The following RXRA variants were observed in gnomAD, a reference collection of about 807,000 sequenced individuals.
RXRA encodes the protein retinoic acid receptor RXR-alpha.
RXRA carries 5 observed loss-of-function variants against 44.5 expected under a neutral mutation model. That is an observed-to-expected ratio of 0.11 (90% CI 0.06 to 0.24). The LOEUF (loss-of-function observed/expected upper bound fraction) is 0.24, where lower values mean the gene tolerates loss of function less well. Ranked by LOEUF, RXRA falls within the 10% of genes least tolerant of loss-of-function variation. RXRA has a pLI of 1.00. For missense variants in RXRA, 412 were observed against 646.5 expected (o/e 0.64, Z 3.93); for synonymous variants, 291 against 271.4 (o/e 1.07, Z -0.71).
intron 4 of RXRA, among the ~76,000 whole-genome samples, chr9:134,414,092 G>A (rs928622331): frequency 6.6e-6 from 1 of 152,178 alleles, no homozygotes; most frequent in Non-Finnish European, 1.5e-5. Flanking sequence ...CATAAATCCC[G>A]GCCCCTCCTG....
chr9:134,423,085 G>A, intron 6 of RXRA: 1 of 985,470 alleles, frequency 1.0e-6, no homozygotes, highest in Non-Finnish European at 1.2e-6. Context: ...AGCCTGGATG[G>A]GGCAGGCCCC....
In RXRA at chr9:134,440,148, A is replaced by C. The variant is rs1831707620; in HGVS notation, c.*3534A>C. 6.6e-6 allele frequency: 1 copy of C among 152,094 alleles called. No homozygotes were observed. Among genetic ancestry groups the C allele is most frequent in the South Asian group, 2.1e-4 (1 of 4,810 alleles). 9.4% of individuals were successfully genotyped at this position (152,094 alleles called of 1,614,324 possible). A position where few individuals can be genotyped will look rare whatever the true frequency, so the allele number is the denominator to read the frequency against. On this transcript the variant is annotated 3_prime_UTR_variant, in exon 10 of 10. Transcript: ENST00000481739. ...AATTTTATCCCTCATGTATACTTGG[A>C]TATGGCGGGGGGAGGGCTGGGACTG...
rs568640840 is a variant in RXRA at position 134,336,923 on chromosome 9, G to C, written c.28+10264G>C. The stretch of plus-strand genomic sequence containing the variant: ...AGTCCTGTGTGTCTAGCTCGGTGTC[G>C]GTTTCTGGGAGTGGGAGTAGATGGA... On this transcript the variant is annotated intron_variant, in intron 1 of 9. Coordinates refer to ENST00000481739, the MANE Select transcript of RXRA (RefSeq NM_002957.6). 1.0e-3 allele frequency among the ~76,000 whole-genome samples: 158 copies of C among 152,296 alleles called. 1 individual carries two copies. The highest frequency in any genetic ancestry group is 1.0e-3 in the Non-Finnish European group (71 of 68,024).
At chr9:134,392,209 C>T (rs905340451) in intron 1 of RXRA, among the ~76,000 whole-genome samples, 2 of 152,188 alleles carry the variant, frequency 1.3e-5, no homozygotes, top group Non-Finnish European at 2.9e-5. Context: ...ACGCCCTTTC[C>T]GTGACTCCGC....
rs1831692046 is a variant in RXRA at position 134,439,461 on chromosome 9, CTG to C, written c.*2851_*2852del. 6.6e-6 allele frequency: 1 copy of C among 152,304 alleles called. No homozygotes were observed. Among genetic ancestry groups the C allele is most frequent in the African/African-American group, 2.4e-5 (1 of 41,466 alleles). 9.4% of individuals were successfully genotyped at this position (152,304 alleles called of 1,614,324 possible). A position where few individuals can be genotyped will look rare whatever the true frequency, so the allele number is the denominator to read the frequency against. On this transcript the variant is annotated 3_prime_UTR_variant, in exon 10 of 10. Coordinates refer to ENST00000481739, the MANE Select transcript of RXRA (RefSeq NM_002957.6). Reference sequence around the variant, plus strand: ...CTGCCAGGACCTTCCACCCTGGGGCCTGTGTCAGCCGCCGGCCCTCCGCACCC... The same window carrying C: ...CTGCCAGGACCTTCCACCCTGGGGCCTGTCAGCCGCCGGCCCTCCGCACCC...
At chr9:134,362,725 A>G (rs1230732329) in intron 1 of RXRA, among the ~76,000 whole-genome samples, 3 of 152,102 alleles carry the variant, frequency 2.0e-5, no homozygotes, top group African/African-American at 7.2e-5. Context: ...CAAGGCCCCC[A>G]CGAGTGTACC....
chr9:134,409,497 G>T (rs530263053), intron 4 of RXRA, among the ~76,000 whole-genome samples: 2 of 152,222 alleles, frequency 1.3e-5, no homozygotes, highest in African/African-American at 4.8e-5. Flanking sequence ...CAGGGCCGCC[G>T]GATGGCCCCC....
chr9:134,424,372 A>C, intron 6 of RXRA: 1 of 985,240 alleles, frequency 1.0e-6, no homozygotes, highest in Non-Finnish European at 1.2e-6. Context: ...CTGCGGCTGC[A>C]TGTCTCTGAG....
intron 7 of RXRA, among the ~76,000 whole-genome samples, chr9:134,431,394 C>T (rs997414522): frequency 6.6e-6 from 1 of 152,206 alleles, no homozygotes; most frequent in Non-Finnish European, 1.5e-5. Context: ...GACATGCCTC[C>T]CTCTGGCAGC....
chr9:134,376,410 G>C (rs985345086), intron 1 of RXRA, among the ~76,000 whole-genome samples: 8 of 152,162 alleles, frequency 5.3e-5, no homozygotes, highest in African/African-American at 1.7e-4. Flanking sequence ...TCCTTCGCGG[G>C]GGCAGAGGTC....
intron 1 of RXRA, among the ~76,000 whole-genome samples, chr9:134,333,568 G>A (rs1490409227): frequency 2.0e-5 from 3 of 152,102 alleles, no homozygotes; most frequent in Non-Finnish European, 2.9e-5. Context: ...TCCTCCAGCC[G>A]CCATGGATAA....
At chr9:134,423,754 G>A in intron 6 of RXRA, 1 of 985,444 alleles carries the variant, frequency 1.0e-6, no homozygotes, top group Non-Finnish European at 1.2e-6. Flanking sequence ...GCCCTTGTTT[G>A]CAGGGGCTCC....
chr9:134,343,108 C>T lies in RXRA; in HGVS notation c.28+16449C>T, dbSNP rs149140564. Among the ~76,000 whole-genome samples the T allele has an allele frequency of 2.0e-3, 309 of 152,218 alleles. 1 individual carries two copies. Among genetic ancestry groups the T allele is most frequent in the African/African-American group, 7.1e-3 (296 of 41,548 alleles). On this transcript the variant is annotated intron_variant, in intron 1 of 9. Transcript: ENST00000481739. The surrounding 1 kb of genome is among the most constrained non-coding windows in gnomAD (Gnocchi z 4.1). ...GGCCTTGGGAGGTGGGGAGGGGGTTCCTGCCCTGGAGCCAGGGAAGCTGTC... is the reference window on the plus strand; with the variant it reads ...GGCCTTGGGAGGTGGGGAGGGGGTTTCTGCCCTGGAGCCAGGGAAGCTGTC...
At chr9:134,352,163 C>T (rs542469088) in intron 1 of RXRA, among the ~76,000 whole-genome samples, 10 of 152,166 alleles carry the variant, frequency 6.6e-5, no homozygotes, top group South Asian at 2.1e-4. Context: ...AGGATGACAG[C>T]GCGGCCCAGG....
intron 1 of RXRA, among the ~76,000 whole-genome samples, chr9:134,399,406 C>T (rs1471560510): frequency 6.6e-6 from 1 of 152,196 alleles, no homozygotes; most frequent in Non-Finnish European, 1.5e-5. Flanking sequence ...TCAGGTTATG[C>T]AGGTATTTCA....
At chr9:134,431,822 C>A in intron 7 of RXRA, 83 bp from the exon 8 acceptor site, 1 of 1,129,290 alleles carries the variant, frequency 8.9e-7, no homozygotes, top group Non-Finnish European at 1.3e-6. Flanking sequence ...CCGGGCTCTC[C>A]AGAGGCCTTG....
chr9:134,345,205 C>T (rs577828922), intron 1 of RXRA, among the ~76,000 whole-genome samples: 7 of 152,146 alleles, frequency 4.6e-5, no homozygotes, highest in Admixed American at 6.5e-5. Context: ...GGGTCCCCAC[C>T]GGATTAGTGA....
chr9:134,419,675 G>A (rs773989556), intron 5 of RXRA, among the ~76,000 whole-genome samples: 6 of 152,364 alleles, frequency 3.9e-5, no homozygotes, highest in Middle Eastern at 3.4e-3. Flanking sequence ...CCCATCACAC[G>A]CCTACTGTTA....
Position 134,343,044 on chromosome 9 carries a change from C to T in RXRA, c.28+16385C>T, listed in dbSNP as rs1830106153. On this transcript the variant is annotated intron_variant, in intron 1 of 9. Coordinates refer to ENST00000481739, the MANE Select transcript of RXRA (RefSeq NM_002957.6). This position sits in a 1 kb window ranked among gnomAD's most constrained non-coding sequence, Gnocchi z 4.1. Reference sequence around the variant, plus strand: ...CCCCAGCAGATTATGGGATTTTCACCTGCCCAGCCCTGGGAGGTGTCTTGG... The same window carrying T: ...CCCCAGCAGATTATGGGATTTTCACTTGCCCAGCCCTGGGAGGTGTCTTGG... Among the ~76,000 whole-genome samples the T allele has an allele frequency of 6.6e-6, 1 of 152,192 alleles. No homozygotes were observed. The highest frequency in any genetic ancestry group is 2.4e-5 in the African/African-American group (1 of 41,456).
Sources: gnomAD v4.1 joint callset for allele counts (sites outside exome capture counted in the v4.1 genomes callset) on GRCh38, gnomAD v4.1.1 for gene constraint, Gnocchi (gnomAD v3.1) non-coding constraint, MANE v1.5 for transcripts, NCBI Gene and HGNC (gene_info 2026-07-23, HGNC 2026-07-21) for gene names.